Variants in LUZP2 observed in about 807,000 individuals in gnomAD.
LUZP2 encodes leucine zipper protein 2.
LUZP2 carries 52 observed loss-of-function variants against 51.6 expected under a neutral mutation model. That is an observed-to-expected ratio of 1.01 (90% CI 0.81 to 1.27). The LOEUF is 1.27. Ranked by LOEUF, LUZP2 falls within the 50% of genes most tolerant of loss-of-function variation. LUZP2 has a pLI of 0.00. For synonymous variants in LUZP2, 154 were observed against 137.3 expected (o/e 1.12, Z -0.85); for missense variants, 436 against 395.4 (o/e 1.10, Z -0.87).
At chr11:25,019,509 T>C (rs1253181836) in intron 9 of LUZP2, among the ~76,000 whole-genome samples, 1 of 152,162 alleles carries the variant, frequency 6.6e-6, no homozygotes, top group Non-Finnish European at 1.5e-5. Context: ...ATTATTATTA[T>C]TTTTATTTAA....
chr11:24,599,324 C>A (rs1853546398), intron 1 of LUZP2, among the ~76,000 whole-genome samples: 1 of 152,108 alleles, frequency 6.6e-6, no homozygotes, highest in Admixed American at 6.6e-5. Context: ...AGTTCTGATT[C>A]AATTTATAAG....
At chr11:25,047,387 A>AT (rs1247661102) in intron 9 of LUZP2, among the ~76,000 whole-genome samples, 11 of 14,052 alleles carry the variant, frequency 7.8e-4, no homozygotes, top group East Asian at 2.2e-3. Flanking sequence ...ATTTTTTTTA[A>AT]TTTTTTTTAA....
At chr11:24,602,571 T>A (rs1853774472) in intron 1 of LUZP2, among the ~76,000 whole-genome samples, 1 of 151,532 alleles carries the variant, frequency 6.6e-6, no homozygotes, top group South Asian at 2.1e-4. Context: ...AAAGGGGATT[T>A]TTGTCTCACA....
chr11:25,074,824 T>C (rs891812362), intron 10 of LUZP2, among the ~76,000 whole-genome samples: 2 of 152,128 alleles, frequency 1.3e-5, no homozygotes, highest in African/African-American at 4.8e-5. Flanking sequence ...CCTGTGATTA[T>C]GTGATCAGAT....
intron 9 of LUZP2, among the ~76,000 whole-genome samples, chr11:25,018,621 TTTTTTA>T (rs1302548419): frequency 0.073 from 2,551 of 35,178 alleles, 53 homozygotes; most frequent in South Asian, 0.23. Context: ...TTTTTTTTTT[TTTTTTA>T]AAGACACTCT....
chr11:24,598,443 G>T (rs78965138), intron 1 of LUZP2, among the ~76,000 whole-genome samples: 1,593 of 152,180 alleles, frequency 0.01, 27 homozygotes, highest in African/African-American at 0.036. Flanking sequence ...GGCAGAAGAT[G>T]TAATAGAGGG....
intron 1 of LUZP2, among the ~76,000 whole-genome samples, chr11:24,649,400 A>T (rs1033554677): frequency 6.6e-6 from 1 of 151,912 alleles, no homozygotes; most frequent in Non-Finnish European, 1.5e-5. Flanking sequence ...AGCCTCCTGA[A>T]TGGTTAGGGA....
At chr11:24,664,176 G>A (rs1266406665) in intron 1 of LUZP2, among the ~76,000 whole-genome samples, 1 of 152,044 alleles carries the variant, frequency 6.6e-6, no homozygotes, top group East Asian at 1.9e-4. Flanking sequence ...GAGACTTGGA[G>A]GGCTCAGAAG....
chr11:24,962,760 C>G (rs535909239), intron 7 of LUZP2, among the ~76,000 whole-genome samples: 1 of 152,358 alleles, frequency 6.6e-6, no homozygotes, highest in East Asian at 1.9e-4. Context: ...CTTCTCTCAA[C>G]TCGTCAAAGT....
At chr11:24,775,809 A>G (rs1420493032) in intron 5 of LUZP2, among the ~76,000 whole-genome samples, 1 of 152,142 alleles carries the variant, frequency 6.6e-6, no homozygotes, top group Non-Finnish European at 1.5e-5. Flanking sequence ...AGTAAAGGAG[A>G]AAGTTTAGCT....
intron 1 of LUZP2, among the ~76,000 whole-genome samples, chr11:24,672,132 C>T (rs1276218989): frequency 6.6e-6 from 1 of 152,072 alleles, no homozygotes; most frequent in Non-Finnish European, 1.5e-5. Context: ...AACCCACTTA[C>T]ACAGTGCTAG....
At chr11:24,707,312 G>C (rs1857626509) in intron 1 of LUZP2, among the ~76,000 whole-genome samples, 1 of 151,766 alleles carries the variant, frequency 6.6e-6, no homozygotes. Context: ...GTGTGCGTGT[G>C]TGTGTGTGTG....
chr11:24,866,890 G>A (rs536161783), intron 5 of LUZP2, among the ~76,000 whole-genome samples: 13 of 152,222 alleles, frequency 8.5e-5, no homozygotes, highest in South Asian at 2.1e-4. Context: ...GAGAGCCACC[G>A]TAACAGGAGT....
chr11:24,697,379 G>C (rs1857282264), intron 1 of LUZP2, among the ~76,000 whole-genome samples: 1 of 152,082 alleles, frequency 6.6e-6, no homozygotes, highest in Non-Finnish European at 1.5e-5. Flanking sequence ...AAAATAAGAA[G>C]TATAAACTTC....
rs1167276616 is a variant in LUZP2 at position 24,842,059 on chromosome 11, C to A, written c.397-63932C>A. ...TTTAAAATAGAAATATATAAATATG[C>A]AAAGATATTGAAAGTAAAAATATAA... On this transcript the variant is annotated intron_variant, in intron 5 of 11. Coordinates refer to ENST00000336930, the MANE Select transcript of LUZP2 (RefSeq NM_001009909.4). Among the ~76,000 whole-genome samples, 5 of 150,992 alleles carry A rather than the reference C, an allele frequency of 3.3e-5. No individual in the cohort carries two copies. In the East Asian group the frequency reaches 7.8e-4, roughly 23 times the overall value.
At chr11:24,514,500 C>T (rs755796414) in intron 1 of LUZP2, among the ~76,000 whole-genome samples, 1 of 152,132 alleles carries the variant, frequency 6.6e-6, no homozygotes, top group East Asian at 1.9e-4. Flanking sequence ...AGGGAAAACA[C>T]ATAATAAGAT....
intron 5 of LUZP2, among the ~76,000 whole-genome samples, chr11:24,861,098 G>GAGGAATGTAAAC (rs1851726879): frequency 6.6e-6 from 1 of 152,158 alleles, no homozygotes; most frequent in Non-Finnish European, 1.5e-5. Flanking sequence ...AATAACTAGA[G>GAGGAATGTAAAC]AGGAATGTAA....
chr11:24,878,695 G>A (rs1306127321), intron 5 of LUZP2, among the ~76,000 whole-genome samples: 2 of 151,664 alleles, frequency 1.3e-5, no homozygotes, highest in African/African-American at 2.4e-5. Flanking sequence ...AGAAAGTACA[G>A]GTTTTTTACG....
At chr11:24,908,550 TAA>T (rs1853530256) in intron 6 of LUZP2, among the ~76,000 whole-genome samples, 1 of 152,162 alleles carries the variant, frequency 6.6e-6, no homozygotes, top group African/African-American at 2.4e-5. Context: ...TTAAAATCAC[TAA>T]TTGTTTGAAG....
Sources: gnomAD v4.1 joint callset for allele counts (sites outside exome capture counted in the v4.1 genomes callset) on GRCh38, gnomAD v4.1.1 for gene constraint, MANE v1.5 for transcripts, NCBI Gene and HGNC (gene_info 2026-07-23, HGNC 2026-07-21) for gene names.